The following MMD2 variants were observed in gnomAD, a reference collection of about 807,000 sequenced individuals.
The protein encoded by MMD2 is monocyte to macrophage differentiation factor 2.
Under a neutral mutation model 33.5 loss-of-function variants are expected in MMD2, and 30 were observed. The observed-to-expected ratio is 0.90, with a 90% CI of 0.67 to 1.22. The LOEUF (loss-of-function observed/expected upper bound fraction) is 1.22. Among genes scored for constraint, MMD2 ranks in the 50% most tolerant of loss-of-function variants. MMD2 has a pLI of 0.00. For synonymous variants in MMD2, 129 were observed against 123.0 expected, an observed-to-expected ratio of 1.05 and a Z score of -0.32; for missense variants, 364 against 325.4, an observed-to-expected ratio of 1.12 and a Z score of -0.91.
At chr7:4,929,532 C>A (rs1285149178) in intron 1 of MMD2, among the ~76,000 whole-genome samples, 1 of 148,400 alleles carries the variant, frequency 6.7e-6, no homozygotes, top group Non-Finnish European at 1.5e-5. Flanking sequence ...GATGGAGTCT[C>A]TTTTTTTTTT....
At chr7:4,952,730 C>T (rs1033845496) in intron 1 of MMD2, among the ~76,000 whole-genome samples, 7 of 143,022 alleles carry the variant, frequency 4.9e-5, no homozygotes, top group Non-Finnish European at 9.0e-5. Context: ...CTTGCTCTGT[C>T]GCCCAGGCTG....
chr7:4,954,735 T>C (rs978833384), intron 1 of MMD2, among the ~76,000 whole-genome samples: 3 of 152,188 alleles, frequency 2.0e-5, no homozygotes, highest in African/African-American at 4.8e-5. Flanking sequence ...TAATTTTTAA[T>C]GTAGTCAAGT....
chr7:4,920,275 A>G lies in MMD2; in HGVS notation c.186T>C (p.Asp62=), dbSNP rs1326591467. 6.2e-7 allele frequency: 1 copy of G among 1,607,064 alleles called. No individual in the cohort carries two copies. Among genetic ancestry groups the G allele is most frequent in the Admixed American group, 1.7e-5 (1 of 58,924 alleles). The change falls in exon 3 of 7, where the codon GAT becomes GAC. Residue 62 remains aspartate (D), a synonymous_variant. Transcript: ENST00000401401. ...GSSNLYFLSD[D]DWETISAWIY... is the part of the protein sequence containing the mutation. The stretch of plus-strand genomic sequence containing the variant: ...TCCAGGCAGAGATGGTCTCCCAGTC[A>G]TCGTCCGACAGGAAGTAGAGGTTGG...
chr7:4,907,748 C>G (rs1241373063), intron 6 of MMD2, 149 bp from the exon 7 acceptor site: 10 of 658,418 alleles, frequency 1.5e-5, no homozygotes, highest in Non-Finnish European at 2.7e-5. Context: ...CACTGACATA[C>G]CAGCAATTCT....
At chr7:4,916,468 C>T (rs772894167) in intron 3 of MMD2, among the ~76,000 whole-genome samples, 3 of 150,536 alleles carry the variant, frequency 2.0e-5, no homozygotes, top group Admixed American at 6.7e-5. Flanking sequence ...CTGCAACCTC[C>T]GCTTCCCGGA....
chr7:4,900,450 CA>C, the MMD2 span, among the ~76,000 whole-genome samples: 1 of 152,094 alleles, frequency 6.6e-6, no homozygotes, highest in South Asian at 2.1e-4. Context: ...ATTAGCTCTC[CA>C]AAAACAGGAA....
chr7:4,909,741 C>T (rs1435549857), intron 6 of MMD2, 140 bp downstream of exon 6: 1 of 1,161,646 alleles, frequency 8.6e-7, no homozygotes, highest in Non-Finnish European at 1.3e-6. Flanking sequence ...GGCCTACTGC[C>T]TCTTTAGACA....
chr7:4,940,054 A>G lies in MMD2; in HGVS notation c.48-14522T>C, dbSNP rs554615845. Among the ~76,000 whole-genome samples, 2 of 152,290 alleles carry G rather than the reference A, an allele frequency of 1.3e-5. No homozygotes were observed. Among genetic ancestry groups the G allele is most frequent in the East Asian group, 1.9e-4 (1 of 5,180 alleles). ...ACCGCACCTGGCCCAATCTATTTCTATAAATTTCAAGAACAGGCAGCGCAG... is the reference window on the plus strand; with the variant it reads ...ACCGCACCTGGCCCAATCTATTTCTGTAAATTTCAAGAACAGGCAGCGCAG... On this transcript the variant is annotated intron_variant, in intron 1 of 6. Transcript: ENST00000401401. This position sits in a 1 kb window ranked among gnomAD's most constrained non-coding sequence, Gnocchi z 5.0.
At chr7:4,916,132 C>T (rs1033953420) in intron 3 of MMD2, 53 bp from the exon 4 acceptor site, 9 of 1,552,976 alleles carry the variant, frequency 5.8e-6, no homozygotes, top group Non-Finnish European at 7.1e-6. Flanking sequence ...AGGGAAGGGC[C>T]AGTGCCCCCA....
At chr7:4,942,731 G>A (rs1785945186) in intron 1 of MMD2, among the ~76,000 whole-genome samples, 1 of 151,360 alleles carries the variant, frequency 6.6e-6, no homozygotes, top group East Asian at 2.0e-4. Context: ...TCCTGCCTCC[G>A]CCTCCCAAGT....
chr7:4,914,302 G>A (rs935250994), intron 4 of MMD2, among the ~76,000 whole-genome samples: 2 of 152,166 alleles, frequency 1.3e-5, no homozygotes, highest in East Asian at 3.9e-4. Context: ...TCTCCACTGT[G>A]TGTCAGCATT....
rs866155855 is a variant in MMD2 at position 4,944,764 on chromosome 7, T to A, written c.47+14207A>T. Among the ~76,000 whole-genome samples, 811 of 117,640 alleles carry A rather than the reference T, an allele frequency of 6.9e-3. 7 individuals carry two copies. Among genetic ancestry groups the A allele is most frequent in the African/African-American group, 0.026 (758 of 29,694 alleles). The allele number at this position is 117,640 out of a possible 152,430, so 77.2% of individuals were successfully genotyped here. On this transcript the variant is annotated intron_variant, in intron 1 of 6. Transcript: ENST00000401401. ...CTCTTTCTTCTTCTTCTTCTTCTTT[T>A]TTTTTTTTTTTTTTTTTTTTTGAGA...
chr7:4,929,005 G>A (rs1354615893), intron 1 of MMD2, among the ~76,000 whole-genome samples: 2 of 152,202 alleles, frequency 1.3e-5, no homozygotes, highest in Non-Finnish European at 2.9e-5. Flanking sequence ...CATTTATGGA[G>A]CATATTGTGT....
chr7:4,912,495 G>A (rs150239947), intron 4 of MMD2, among the ~76,000 whole-genome samples: 149 of 141,274 alleles, frequency 1.1e-3, no homozygotes, highest in South Asian at 1.1e-3. Flanking sequence ...CCGGGAGGCA[G>A]AGCTTGTAGT....
At position 4,939,742 on chromosome 7, in the gene MMD2, C is replaced by CT. The variant is rs71032999; in HGVS notation, c.48-14211dup. ...TTCCAATCTATTTCTTTCTTTCTTT[C>CT]TTTTTTTTTTTTTTTTGAGATGGAG... is the stretch of plus-strand genomic sequence containing the variant. On this transcript the variant is annotated intron_variant, in intron 1 of 6. Transcript: ENST00000401401. Among the ~76,000 whole-genome samples the CT allele has an allele frequency of 9.6e-3, 1,362 of 141,854 alleles. 19 individuals carry two copies. The highest frequency in any genetic ancestry group is 0.029 in the African/African-American group (1,094 of 37,328). 93.1% of individuals were successfully genotyped at this position (141,854 alleles called of 152,430 possible).
chr7:4,957,354 GA>G (rs997012207), intron 1 of MMD2, among the ~76,000 whole-genome samples: 5 of 149,896 alleles, frequency 3.3e-5, no homozygotes, highest in South Asian at 4.3e-4. Flanking sequence ...CTGTCTCAAA[GA>G]AAAAAAACAA....
intron 1 of MMD2, among the ~76,000 whole-genome samples, chr7:4,942,758 A>G (rs1583393838): frequency 6.6e-6 from 1 of 151,136 alleles, no homozygotes; most frequent in African/African-American, 2.4e-5. Flanking sequence ...GACTACAGAC[A>G]CGTGCCACCA....
At chr7:4,923,257 C>T (rs1372412668) in intron 2 of MMD2, among the ~76,000 whole-genome samples, 1 of 152,234 alleles carries the variant, frequency 6.6e-6, no homozygotes, top group East Asian at 1.9e-4. Flanking sequence ...GCGCATACTA[C>T]CACACCTGGC....
intron 3 of MMD2, 69 bp from the exon 4 acceptor site, chr7:4,916,148 G>T: frequency 6.8e-7 from 1 of 1,473,158 alleles, no homozygotes; most frequent in Non-Finnish European, 9.5e-7. Flanking sequence ...CCCCAGAGCC[G>T]TGCCCTGGAC....
Sources: allele counts gnomAD v4.1 joint callset (sites outside exome capture counted in the v4.1 genomes callset), GRCh38; gene constraint gnomAD v4.1.1; non-coding constraint Gnocchi (gnomAD v3.1); transcripts MANE v1.5; gene names NCBI Gene and HGNC (gene_info 2026-07-23, HGNC 2026-07-21).